BMAL2: variants seen among roughly 807,000 people sequenced by gnomAD.
BMAL2 encodes basic helix-loop-helix ARNT like 2, also known as basic helix-loop-helix ARNT-like protein 2.
At chr12:27,407,153 A>C in the BMAL2 span, among the ~76,000 whole-genome samples, 1 of 90,780 alleles carries the variant, frequency 1.1e-5, no homozygotes, top group South Asian at 2.9e-4. Flanking sequence ...GGGAGACTTT[A>C]ACACCCCACT....
chr12:27,353,712 A>C, the BMAL2 span, among the ~76,000 whole-genome samples: 2 of 152,174 alleles, frequency 1.3e-5, no homozygotes, highest in African/African-American at 4.8e-5. Context: ...TAAAGAACTT[A>C]AACAAATCAA....
At chr12:27,419,654 C>T in the BMAL2 span, among the ~76,000 whole-genome samples, 1 of 152,138 alleles carries the variant, frequency 6.6e-6, no homozygotes, top group Non-Finnish European at 1.5e-5. Flanking sequence ...CATTGCTCTG[C>T]TAAAGCATAC....
chr12:27,371,934 T>C, the BMAL2 span, among the ~76,000 whole-genome samples: 1 of 152,246 alleles, frequency 6.6e-6, no homozygotes, highest in African/African-American at 2.4e-5. Context: ...TAGTATATTT[T>C]CTGGCTCTAT....
At chr12:27,358,623 A>G in the BMAL2 span, among the ~76,000 whole-genome samples, 1 of 152,172 alleles carries the variant, frequency 6.6e-6, no homozygotes, top group Non-Finnish European at 1.5e-5. Flanking sequence ...ATGTGTTCAG[A>G]TGTTACTCCC....
chr12:27,400,859 TTC>T, the BMAL2 span: 6 of 1,215,210 alleles, frequency 4.9e-6, no homozygotes, highest in Non-Finnish European at 5.6e-6. Flanking sequence ...CTGCTAGTTT[TTC>T]TTTTTCTTTT....
chr12:27,340,616 A>G, the BMAL2 span, among the ~76,000 whole-genome samples: 1 of 152,004 alleles, frequency 6.6e-6, no homozygotes, highest in Non-Finnish European at 1.5e-5. Flanking sequence ...TATGCATTTT[A>G]AAGTAGTTTC....
the BMAL2 span, among the ~76,000 whole-genome samples, chr12:27,364,829 A>G: frequency 6.6e-6 from 1 of 152,108 alleles, no homozygotes; most frequent in East Asian, 1.9e-4. Flanking sequence ...ATAAAGTTTT[A>G]GTTTTTCCCT....
At chr12:27,335,704 G>C in the BMAL2 span, among the ~76,000 whole-genome samples, 31 of 152,008 alleles carry the variant, frequency 2.0e-4, 1 homozygote, top group Admixed American at 5.9e-4. Context: ...GAGGAAAATA[G>C]AGAAGGAAAG....
chr12:27,402,548 T>A, the BMAL2 span: 1,920 of 1,250,964 alleles, frequency 1.5e-3, 76 homozygotes, highest in East Asian at 0.044. Context: ...AATATACAGA[T>A]CTTAGTGTAG....
At chr12:27,333,134 C>T in the BMAL2 span, 1 of 1,203,868 alleles carries the variant, frequency 8.3e-7, no homozygotes, top group Non-Finnish European at 1.0e-6. Flanking sequence ...GCGACGGCCC[C>T]AGGTGGGCGC....
chr12:27,398,574 C>CT, the BMAL2 span, among the ~76,000 whole-genome samples: 3 of 151,104 alleles, frequency 2.0e-5, no homozygotes, highest in Middle Eastern at 3.4e-3. Context: ...AAAAAAAAAA[C>CT]TTAGATAGCT....
At chr12:27,371,094 T>G in the BMAL2 span, among the ~76,000 whole-genome samples, 1 of 152,206 alleles carries the variant, frequency 6.6e-6, no homozygotes, top group African/African-American at 2.4e-5. Context: ...ATAGAGACCC[T>G]GGGTACTATG....
At chr12:27,376,984 G>C in the BMAL2 span, among the ~76,000 whole-genome samples, 2 of 107,998 alleles carry the variant, frequency 1.9e-5, no homozygotes, top group African/African-American at 3.9e-5. Context: ...CTGGGCGACA[G>C]AGCAAAACTC....
the BMAL2 span, chr12:27,389,434 TAATA>T: frequency 3.4e-6 from 2 of 595,446 alleles, no homozygotes; most frequent in South Asian, 2.2e-5. Context: ...ACATCATACT[TAATA>T]AATATATATA....
chr12:27,415,010 T>C, the BMAL2 span, among the ~76,000 whole-genome samples: 1 of 151,944 alleles, frequency 6.6e-6, no homozygotes, highest in African/African-American at 2.4e-5. Flanking sequence ...ATGTGCAGAA[T>C]CTTAGAAAAA....
the BMAL2 span, chr12:27,400,860 T>G: frequency 8.7e-7 from 1 of 1,153,870 alleles, no homozygotes; most frequent in Non-Finnish European, 1.2e-6. Context: ...TGCTAGTTTT[T>G]CTTTTTCTTT....
the BMAL2 span, among the ~76,000 whole-genome samples, chr12:27,360,880 ACT>A: frequency 6.8e-6 from 1 of 147,514 alleles, no homozygotes; most frequent in African/African-American, 2.5e-5. Flanking sequence ...CCGGGTTTGG[ACT>A]CTCAGAAGTT....
chr12:27,340,495 T>G, the BMAL2 span, among the ~76,000 whole-genome samples: 2 of 152,204 alleles, frequency 1.3e-5, no homozygotes, highest in African/African-American at 4.8e-5. Flanking sequence ...CCATGCTTTT[T>G]GGTTACTGTT....
At chr12:27,400,541 A>G in the BMAL2 span, 6 of 1,565,164 alleles carry the variant, frequency 3.8e-6, no homozygotes, top group South Asian at 7.3e-5. Context: ...TAGAGCACAG[A>G]AAATTCTATA....
Sources: allele counts gnomAD v4.1 joint callset (sites outside exome capture counted in the v4.1 genomes callset), GRCh38; gene constraint gnomAD v4.1.1; transcripts MANE v1.5; gene names NCBI Gene and HGNC (gene_info 2026-07-23, HGNC 2026-07-21).